The following NALF1 variants were observed in gnomAD, a reference collection of about 807,000 sequenced individuals.
NALF1 encodes family with sequence similarity 155 member A.
NALF1 carries 3 observed loss-of-function variants against 48.4 expected under a neutral mutation model. The observed-to-expected ratio is 0.06, with a 90% CI of 0.03 to 0.16. The LOEUF is 0.16. NALF1 is among the 10% of genes least tolerant of loss of function. The pLI is 1.00. For missense variants in NALF1, 526 were observed against 571.5 expected (o/e 0.92, Z 0.81); for synonymous variants, 262 against 245.7 (o/e 1.07, Z -0.62).
At chr13:107,606,180 C>T (rs1440335100) in intron 1 of NALF1, among the ~76,000 whole-genome samples, 4 of 152,020 alleles carry the variant, frequency 2.6e-5, no homozygotes, top group African/African-American at 9.7e-5. Flanking sequence ...CTAGTGAGCA[C>T]ATGGATCAAA....
At chr13:107,846,577 T>C (rs1164449193) in intron 1 of NALF1, among the ~76,000 whole-genome samples, 1 of 152,170 alleles carries the variant, frequency 6.6e-6, no homozygotes, top group Non-Finnish European at 1.5e-5. Flanking sequence ...AGGATAGGCA[T>C]GTAGAATCTA....
At chr13:107,678,492 G>C (rs1276623408) in intron 1 of NALF1, among the ~76,000 whole-genome samples, 1 of 152,200 alleles carries the variant, frequency 6.6e-6, no homozygotes, top group Non-Finnish European at 1.5e-5. Context: ...CACCGTCCTA[G>C]GGACAAATCC....
intron 1 of NALF1, among the ~76,000 whole-genome samples, chr13:107,728,584 C>T (rs1213244347): frequency 3.1e-4 from 47 of 151,120 alleles, no homozygotes; most frequent in Non-Finnish European, 7.4e-5. Context: ...CTAATGCATG[C>T]GGGGCTTAAA....
chr13:107,307,905 T>C (rs552511544), intron 1 of NALF1, among the ~76,000 whole-genome samples: 114 of 152,296 alleles, frequency 7.5e-4, no homozygotes, highest in Non-Finnish European at 1.3e-3. Flanking sequence ...TAAGTGGATA[T>C]ATAAACTTGC....
intron 1 of NALF1, among the ~76,000 whole-genome samples, chr13:107,681,625 C>T (rs3909002): frequency 0.47 from 71,663 of 151,926 alleles, 18,250 homozygotes; most frequent in Middle Eastern, 0.65. Flanking sequence ...ATGAAATGAC[C>T]GGAGCGGGCT....
chr13:107,237,681 C>T (rs749513658), intron 1 of NALF1, among the ~76,000 whole-genome samples: 36 of 152,172 alleles, frequency 2.4e-4, no homozygotes, highest in Admixed American at 9.2e-4. Context: ...ATGCAACCAT[C>T]GTAGGCCTGA....
chr13:107,477,867 C>T (rs1885196612), intron 1 of NALF1, among the ~76,000 whole-genome samples: 2 of 152,020 alleles, frequency 1.3e-5, no homozygotes, highest in Non-Finnish European at 1.5e-5. Context: ...GCCATTCCTT[C>T]GAAAAGTAAT....
At chr13:107,545,839 C>T (rs897552390) in intron 1 of NALF1, among the ~76,000 whole-genome samples, 3 of 152,134 alleles carry the variant, frequency 2.0e-5, no homozygotes, top group Non-Finnish European at 4.4e-5. Flanking sequence ...AACCTCCTAA[C>T]ACCCTGGAAT....
chr13:107,384,932 G>C (rs1411908758), intron 1 of NALF1, among the ~76,000 whole-genome samples: 1 of 152,194 alleles, frequency 6.6e-6, no homozygotes, highest in African/African-American at 2.4e-5. Context: ...CAGATCCACT[G>C]CTTAGCTCTG....
chr13:107,588,057 T>C lies in NALF1; in HGVS notation c.915+277625A>G, dbSNP rs370884521. Among the ~76,000 whole-genome samples the C allele has an allele frequency of 7.2e-4, 109 of 152,226 alleles. 1 individual carries two copies. Among genetic ancestry groups the C allele is most frequent in the African/African-American group, 2.3e-3 (96 of 41,552 alleles). ...AGAGTGCTATTTAATGAACCCACCATTGTCCATCTATGAAGGACTGTTCTC... is the reference window on the plus strand; with the variant it reads ...AGAGTGCTATTTAATGAACCCACCACTGTCCATCTATGAAGGACTGTTCTC... On this transcript the variant is annotated intron_variant, in intron 1 of 2. Coordinates refer to ENST00000375915, the MANE Select transcript of NALF1 (RefSeq NM_001080396.3).
intron 1 of NALF1, among the ~76,000 whole-genome samples, chr13:107,430,022 T>C (rs1165164051): frequency 1.3e-5 from 2 of 152,218 alleles, no homozygotes; most frequent in African/African-American, 2.4e-5. Flanking sequence ...TAGATCATAC[T>C]TGAATTTAGG....
At position 107,828,565 on chromosome 13, in the gene NALF1, T is replaced by TTATA. The variant is rs771477956; in HGVS notation, c.915+37116_915+37117insTATA. Among the ~76,000 whole-genome samples, 305 of 135,926 alleles carry TTATA rather than the reference T, an allele frequency of 2.2e-3. 2 individuals are homozygous for TTATA. Among genetic ancestry groups the TTATA allele is most frequent in the African/African-American group, 7.6e-3 (289 of 38,154 alleles). 89.2% of individuals were successfully genotyped at this position (135,926 alleles called of 152,430 possible). A position where few individuals can be genotyped will look rare whatever the true frequency, so the allele number is the denominator to read the frequency against. ...AGAATAGGTAGAGAGTCATATTAAA[T>TTATA]TCTATCTATCTATCTATCTATCTAT... On this transcript the variant is annotated intron_variant, in intron 1 of 2. Coordinates refer to ENST00000375915, the MANE Select transcript of NALF1 (RefSeq NM_001080396.3).
intron 1 of NALF1, among the ~76,000 whole-genome samples, chr13:107,620,234 G>T (rs777682050): frequency 2.0e-5 from 3 of 152,140 alleles, no homozygotes; most frequent in Non-Finnish European, 2.9e-5. Flanking sequence ...AGCCAGAGAA[G>T]AGATTTCAAA....
At chr13:107,581,124 C>A (rs1170960427) in intron 1 of NALF1, among the ~76,000 whole-genome samples, 3 of 152,118 alleles carry the variant, frequency 2.0e-5, no homozygotes, top group African/African-American at 7.2e-5. Flanking sequence ...CTGTTTTGTT[C>A]ACGTTGTTTG....
chr13:107,263,014 C>T (rs1457278731), intron 1 of NALF1, among the ~76,000 whole-genome samples: 1 of 152,002 alleles, frequency 6.6e-6, no homozygotes, highest in Non-Finnish European at 1.5e-5. Flanking sequence ...GGAGCAAGGA[C>T]CTTTAATGGG....
rs188232511 is a variant in NALF1 at position 107,573,698 on chromosome 13, C to A, written c.915+291984G>T. ...CCACATGTCATGGGGGGGACCTGGT[C>A]GGAGGTAATTGAATCATGGCATCTG... is the stretch of plus-strand genomic sequence containing the variant. On this transcript the variant is annotated intron_variant, in intron 1 of 2. Coordinates refer to ENST00000375915, the MANE Select transcript of NALF1 (RefSeq NM_001080396.3). 4.4e-3 allele frequency among the ~76,000 whole-genome samples: 668 copies of A among 152,100 alleles called. 2 individuals are homozygous for A. Among genetic ancestry groups the A allele is most frequent in the Non-Finnish European group, 6.6e-3 (450 of 67,994 alleles).
intron 1 of NALF1, among the ~76,000 whole-genome samples, chr13:107,417,974 T>A (rs751998203): frequency 2.0e-5 from 3 of 152,108 alleles, no homozygotes; most frequent in Non-Finnish European, 2.9e-5. Context: ...GGCAGGAGAA[T>A]CGCTTGAACC....
intron 1 of NALF1, among the ~76,000 whole-genome samples, chr13:107,742,364 T>G (rs1304644468): frequency 6.6e-6 from 1 of 152,196 alleles, no homozygotes; most frequent in African/African-American, 2.4e-5. Flanking sequence ...CATCTTGAAT[T>G]GTAGTTCCCA....
In NALF1 at chr13:107,179,918, C is replaced by T. The variant is rs7994593; in HGVS notation, c.1088-9132G>A. ...CTCGGTGTCTTTGCTGTTCTTATAA[C>T]GCACCAGCATATTGGATCCCAGGCC... On this transcript the variant is annotated intron_variant, in intron 2 of 2. Transcript: ENST00000375915. Among the ~76,000 whole-genome samples the T allele has an allele frequency of 4.1e-3, 592 of 145,742 alleles. 3 individuals carry two copies. Among genetic ancestry groups the T allele is most frequent in the African/African-American group, 0.014 (539 of 38,986 alleles).
Sources: allele counts gnomAD v4.1 joint callset (sites outside exome capture counted in the v4.1 genomes callset), GRCh38; gene constraint gnomAD v4.1.1; transcripts MANE v1.5; gene names NCBI Gene and HGNC (gene_info 2026-07-23, HGNC 2026-07-21).